The following ERC1 variants were observed in gnomAD, a reference collection of about 807,000 sequenced individuals.
ERC1 encodes the protein ELKS/RAB6-interacting/CAST family member 1, also known as RAB6 interacting protein 2.
In ERC1, 56 loss-of-function variants were observed where a neutral mutation model predicts 132.0. That is an observed-to-expected ratio of 0.42 (90% confidence interval 0.34 to 0.53). The LOEUF is 0.53. Ranked by LOEUF, ERC1 falls within the 20% of genes least tolerant of loss-of-function variation. The pLI is 0.03. For synonymous variants in ERC1, 478 were observed against 476.1 expected (o/e 1.00, Z -0.05); for missense variants, 1,202 against 1,349.9 (o/e 0.89, Z 1.72).
intron 18 of ERC1, among the ~76,000 whole-genome samples, chr12:1,480,478 C>A (rs2094066834): frequency 6.6e-6 from 1 of 151,932 alleles, no homozygotes; most frequent in Non-Finnish European, 1.5e-5. Flanking sequence ...GGATTACTTG[C>A]CAGTATTAGA....
rs575333450 is a variant in ERC1, at chr12:1,059,903, G to A, written c.670-23261G>A. Among the ~76,000 whole-genome samples, 74 of 152,312 alleles carry A rather than the reference G, an allele frequency of 4.9e-4. No individual in the cohort carries two copies. The Middle Eastern group carries it at 0.017, about 35-fold the overall frequency. On this transcript the variant is annotated intron_variant, in intron 2 of 18. Transcript: ENST00000360905. ...TCTTCAGCTTTTGGGAATAGTTTGA[G>A]AAGAATTGGTGTTAGTTCTTTAAAA... is the stretch of plus-strand genomic sequence containing the variant.
chr12:1,107,213 T>C (rs1158639639), intron 4 of ERC1, among the ~76,000 whole-genome samples: 1 of 152,142 alleles, frequency 6.6e-6, no homozygotes, highest in African/African-American at 2.4e-5. Flanking sequence ...ATTTTTTTGT[T>C]TGTTTGTTTG....
rs1242579663 is a variant in ERC1, at chr12:1,156,983, A to G, written c.1737+15196A>G. ...TCCTGTTTTTTGTTTTTTGTTTTTA[A>G]CTTCATTTATGTATTTATTTGGGGG... On this transcript the variant is annotated intron_variant, in intron 8 of 18. Coordinates refer to ENST00000360905, the MANE Select transcript of ERC1 (RefSeq NM_178040.4). Among the ~76,000 whole-genome samples the G allele has an allele frequency of 2.0e-5, 3 of 151,576 alleles. No homozygotes were observed. In the East Asian group the frequency reaches 5.8e-4, roughly 29 times the overall value.
intron 15 of ERC1, among the ~76,000 whole-genome samples, chr12:1,343,269 T>G (rs1272790408): frequency 1.3e-5 from 2 of 152,094 alleles, no homozygotes; most frequent in Admixed American, 6.5e-5. Context: ...CAAAAGGGAG[T>G]GCCATTCGTC....
intron 12 of ERC1, among the ~76,000 whole-genome samples, chr12:1,211,445 G>C (rs111783711): frequency 7.6e-4 from 116 of 152,272 alleles, no homozygotes; most frequent in African/African-American, 2.6e-3. Flanking sequence ...ACCGTGCCCG[G>C]CCTAAGTTGA....
intron 13 of ERC1, among the ~76,000 whole-genome samples, chr12:1,247,722 C>T (rs1484300236): frequency 6.6e-6 from 1 of 152,178 alleles, no homozygotes; most frequent in Non-Finnish European, 1.5e-5. Context: ...TCAGGCCGGG[C>T]ACGGTGGCTC....
chr12:1,082,511 CAG>C (rs1942376157), intron 2 of ERC1, among the ~76,000 whole-genome samples: 2 of 110,406 alleles, frequency 1.8e-5, no homozygotes, highest in Admixed American at 2.1e-4. Context: ...TTTTTTAAGA[CAG>C]AGTTTCACTC....
At chr12:1,444,293 G>C in intron 17 of ERC1, 1 of 265,160 alleles carries the variant, frequency 3.8e-6, no homozygotes, top group Non-Finnish European at 7.1e-6. Context: ...TTCCTGCCTC[G>C]ATACAGAGCT....
chr12:1,347,985 GA>G lies in ERC1; in HGVS notation c.2781-23838del, dbSNP rs1174805567. On this transcript the variant is annotated intron_variant, in intron 15 of 18. Coordinates refer to ENST00000360905, the MANE Select transcript of ERC1 (RefSeq NM_178040.4). The stretch of plus-strand genomic sequence containing the variant: ...TCAACAGAGTTAGACTCGGTCTCAA[GA>G]AAAAAAAAATTATAATTGAAAATGA... Among the ~76,000 whole-genome samples the G allele has an allele frequency of 3.3e-5, 5 of 149,600 alleles. No individual in the cohort carries two copies. The South Asian group carries it at 6.3e-4, about 19-fold the overall frequency.
intron 1 of ERC1, among the ~76,000 whole-genome samples, chr12:997,805 C>G (rs910854186): frequency 3.9e-5 from 6 of 152,110 alleles, no homozygotes; most frequent in Non-Finnish European, 7.4e-5. Context: ...GTGGAAGAGA[C>G]TGAGTAGCTT....
At chr12:1,294,145 C>G (rs2079727433) in intron 15 of ERC1, among the ~76,000 whole-genome samples, 1 of 152,142 alleles carries the variant, frequency 6.6e-6, no homozygotes, top group Admixed American at 6.5e-5. Context: ...TCCCTTTTTT[C>G]TGCCCTGATA....
chr12:1,051,962 T>C (rs1965011), intron 2 of ERC1, among the ~76,000 whole-genome samples: 478 of 2,742 alleles, frequency 0.17, no homozygotes, highest in Middle Eastern at 0.25. Context: ...TGATGAATAG[T>C]GTGAATTAAT....
At chr12:1,115,746 C>T (rs1214801866) in intron 6 of ERC1, 120 bp from the exon 7 acceptor site, 2 of 846,424 alleles carry the variant, frequency 2.4e-6, no homozygotes, top group African/African-American at 3.4e-5. Flanking sequence ...TGAATATGAC[C>T]TATCACACAG....
intron 15 of ERC1, among the ~76,000 whole-genome samples, chr12:1,357,877 A>G (rs1363191556): frequency 1.3e-5 from 2 of 152,204 alleles, no homozygotes; most frequent in African/African-American, 4.8e-5. Flanking sequence ...TCTCCAGCGC[A>G]GATCAGTGGG....
intron 8 of ERC1, among the ~76,000 whole-genome samples, chr12:1,160,969 G>A (rs1037541096): frequency 3.9e-5 from 6 of 152,104 alleles, no homozygotes; most frequent in African/African-American, 9.7e-5. Flanking sequence ...TTTTCCTAGC[G>A]TTCTAAGCAA....
At chr12:1,092,128 A>G (rs1943315764) in intron 3 of ERC1, among the ~76,000 whole-genome samples, 1 of 151,586 alleles carries the variant, frequency 6.6e-6, no homozygotes. Flanking sequence ...CCTCCCGAGT[A>G]GCTGGGATTA....
chr12:1,079,244 C>T (rs1337128526), intron 2 of ERC1, among the ~76,000 whole-genome samples: 1 of 146,588 alleles, frequency 6.8e-6, no homozygotes, highest in South Asian at 2.2e-4. Flanking sequence ...AGACAAAAGT[C>T]GATATACAGA....
intron 12 of ERC1, among the ~76,000 whole-genome samples, chr12:1,222,050 C>T (rs571934649): frequency 2.0e-5 from 3 of 152,150 alleles, no homozygotes; most frequent in African/African-American, 4.8e-5. Context: ...AGCATGTTAC[C>T]GTACTGAATA....
intron 8 of ERC1, among the ~76,000 whole-genome samples, chr12:1,159,444 T>A (rs1951690972): frequency 6.6e-6 from 1 of 152,188 alleles, no homozygotes; most frequent in Non-Finnish European, 1.5e-5. Context: ...GTCTCACCGC[T>A]TACTTCCTGC....
Sources: allele counts gnomAD v4.1 joint callset (sites outside exome capture counted in the v4.1 genomes callset), GRCh38; gene constraint gnomAD v4.1.1; transcripts MANE v1.5; gene names NCBI Gene and HGNC (gene_info 2026-07-23, HGNC 2026-07-21).